DNAH6: variants seen among roughly 807,000 people sequenced by gnomAD.
DNAH6 encodes axonemal beta dynein heavy chain 6.
In DNAH6, 340 loss-of-function variants were observed where a neutral mutation model predicts 491.4. That is an observed-to-expected ratio of 0.69 (90% CI 0.63 to 0.76). The LOEUF (loss-of-function observed/expected upper bound fraction) is 0.76, where lower values mean the gene tolerates loss of function less well. Ranked by LOEUF, DNAH6 falls within the 30% of genes least tolerant of loss-of-function variation. The pLI, the probability that DNAH6 is intolerant of heterozygous loss-of-function variation, is 0.00. For missense variants in DNAH6, 4,443 were observed against 4,972.2 expected (o/e 0.89, Z 3.20); for synonymous variants, 1,603 against 1,686.1 (o/e 0.95, Z 1.21).
At chr2:84,685,998 C>T (rs1694221691) in intron 43 of DNAH6, among the ~76,000 whole-genome samples, 1 of 152,054 alleles carries the variant, frequency 6.6e-6, no homozygotes, top group Non-Finnish European at 1.5e-5. Context: ...ACCAGTCTGG[C>T]CAATGTAGTG....
In DNAH6 at chr2:84,727,715, A is replaced by G; in HGVS notation, c.10019A>G (p.Gln3340Arg). ...IETSVKTENL[Q>R]QRLDVLLEQT... is the part of the protein sequence containing the mutation. Reference sequence around the variant, plus strand: ...ACTTCTGTAAAGACAGAAAATCTACAACAGCGCCTGGACGTACTACTAGAA... The same window carrying G: ...ACTTCTGTAAAGACAGAAAATCTACGACAGCGCCTGGACGTACTACTAGAA... The change falls in exon 61 of 77, where the codon CAA (glutamine) becomes CGA (arginine). Residue 3340 changes from glutamine (Q) to arginine (R), a missense_variant. Physicochemically the swap from Gln to Arg is conservative, Grantham distance 43 (BLOSUM62 1). Around this residue, in one of 3 missense-constraint regions of DNAH6, gnomAD observed 1,463 missense variants for 1,656.6 expected, o/e 0.88. Transcript: ENST00000389394. 6.4e-7 allele frequency: 1 copy of G among 1,551,648 alleles called. No homozygotes were observed. The highest frequency in any genetic ancestry group is 8.7e-7 in the Non-Finnish European group (1 of 1,146,886).
chr2:84,679,416 C>G (rs1358985476), intron 41 of DNAH6, among the ~76,000 whole-genome samples: 1 of 152,162 alleles, frequency 6.6e-6, no homozygotes, highest in Admixed American at 6.5e-5. Flanking sequence ...CCAAAATATG[C>G]ATCACTATAC....
chr2:84,580,122 A>ATC (rs1682859663), intron 14 of DNAH6, among the ~76,000 whole-genome samples: 1 of 152,204 alleles, frequency 6.6e-6, no homozygotes, highest in Non-Finnish European at 1.5e-5. Context: ...TACCATTGTA[A>ATC]TCTAGATGTT....
At chr2:84,593,407 G>A (rs559195147) in intron 16 of DNAH6, among the ~76,000 whole-genome samples, 1 of 152,318 alleles carries the variant, frequency 6.6e-6, no homozygotes, top group African/African-American at 2.4e-5. Context: ...GTTGAACCAA[G>A]GCAATCTTAA....
intron 11 of DNAH6, among the ~76,000 whole-genome samples, chr2:84,573,256 A>AT (rs1007444533): frequency 6.6e-5 from 10 of 152,248 alleles, no homozygotes; most frequent in African/African-American, 1.7e-4. Flanking sequence ...TTAAAGATGA[A>AT]TTTTTTTTAT....
intron 38 of DNAH6, among the ~76,000 whole-genome samples, chr2:84,669,722 A>G (rs1271318774): frequency 1.3e-5 from 2 of 152,194 alleles, no homozygotes; most frequent in Non-Finnish European, 2.9e-5. Context: ...AGTTGATACT[A>G]TATGAATTAG....
At chr2:84,745,629 G>A (rs959361315) in intron 63 of DNAH6, among the ~76,000 whole-genome samples, 1 of 146,930 alleles carries the variant, frequency 6.8e-6, no homozygotes, top group South Asian at 2.1e-4. Flanking sequence ...TCGCGCCACT[G>A]CACTCCAGCC....
chr2:84,808,331 T>C, intron 71 of DNAH6, 84 bp from the exon 72 acceptor site: 2 of 1,381,416 alleles, frequency 1.4e-6, no homozygotes, highest in Non-Finnish European at 1.9e-6. Context: ...TTTTTAAAAA[T>C]GTTAAGATAA....
the DNAH6 span, among the ~76,000 whole-genome samples, chr2:84,461,018 A>G: frequency 6.6e-6 from 1 of 152,164 alleles, no homozygotes; most frequent in African/African-American, 2.4e-5. Context: ...GCCTCCACAA[A>G]CAAGTTTATT....
chr2:84,585,716 G>A (rs188042632), intron 15 of DNAH6, among the ~76,000 whole-genome samples: 19 of 152,088 alleles, frequency 1.2e-4, no homozygotes, highest in Admixed American at 5.9e-4. Context: ...TGGTAGCCCC[G>A]ACATCTCTGC....
chr2:84,736,971 T>A (rs1018333294), intron 62 of DNAH6, among the ~76,000 whole-genome samples: 1 of 152,138 alleles, frequency 6.6e-6, no homozygotes, highest in Non-Finnish European at 1.5e-5. Flanking sequence ...GGGTTTGTCA[T>A]TGATGGCTCT....
At chr2:84,511,264 C>T in the DNAH6 span, among the ~76,000 whole-genome samples, 6 of 152,300 alleles carry the variant, frequency 3.9e-5, no homozygotes, top group East Asian at 7.7e-4. Flanking sequence ...ACTCAAGCTT[C>T]GGCAATGGCG....
At chr2:84,723,688 G>A (rs1698383323) in intron 60 of DNAH6, among the ~76,000 whole-genome samples, 1 of 152,124 alleles carries the variant, frequency 6.6e-6, no homozygotes, top group South Asian at 2.1e-4. Context: ...GACTTAGAGG[G>A]ATCTCTTTCC....
chr2:84,598,163 CTTTCTTTCTTTCTTTCTCTCTTTCT>C (rs1684847852), intron 18 of DNAH6, among the ~76,000 whole-genome samples: 3 of 70,586 alleles, frequency 4.3e-5, no homozygotes, highest in Non-Finnish European at 1.0e-4. Flanking sequence ...TTCTTTCTTT[CTTTCTTTCTTTCTTTCTCTCTTTCT>C]TTTCTTTCTT....
the DNAH6 span, among the ~76,000 whole-genome samples, chr2:84,490,743 G>T: frequency 1.3e-5 from 2 of 151,988 alleles, no homozygotes; most frequent in Non-Finnish European, 2.9e-5. Flanking sequence ...TATATCTTTA[G>T]TAGAGACGGG....
At chr2:84,660,854 A>G (rs898860678) in intron 37 of DNAH6, among the ~76,000 whole-genome samples, 2 of 152,166 alleles carry the variant, frequency 1.3e-5, no homozygotes, top group Non-Finnish European at 2.9e-5. Context: ...AAATATATCT[A>G]TGTCATAAGA....
rs574280820 is a variant in DNAH6 at position 84,616,806 on chromosome 2, A to G, written c.3476-80A>G. On this transcript the variant is annotated intron_variant, in intron 22 of 76. Coordinates refer to ENST00000389394, the MANE Select transcript of DNAH6 (RefSeq NM_001370.2). ...TAGGGAGAAGATTCATAAATTGATTACATTTTAAAGTGATATTTTTTCAGA... is the reference window on the plus strand; with the variant it reads ...TAGGGAGAAGATTCATAAATTGATTGCATTTTAAAGTGATATTTTTTCAGA... The G allele has an allele frequency of 1.3e-4, 83 of 615,834 alleles. 1 individual carries two copies. In the African/African-American group the frequency reaches 1.6e-3, roughly 12 times the overall value. 38.1% of individuals were successfully genotyped at this position (615,834 alleles called of 1,614,324 possible). A position where few individuals can be genotyped will look rare whatever the true frequency, so the allele number is the denominator to read the frequency against.
At chr2:84,781,932 C>T (rs1676737003) in intron 65 of DNAH6, among the ~76,000 whole-genome samples, 1 of 151,980 alleles carries the variant, frequency 6.6e-6, no homozygotes, top group African/African-American at 2.4e-5. Context: ...TACTTATAGG[C>T]ATAATAAAAA....
rs1162541312 is a variant in DNAH6 at position 84,753,755 on chromosome 2, TAA to T, written c.10512+8529_10512+8530del. Among the ~76,000 whole-genome samples the T allele has an allele frequency of 7.3e-3, 564 of 77,116 alleles. 2 individuals carry two copies. The highest frequency in any genetic ancestry group is 0.013 in the African/African-American group (230 of 17,580). The allele number at this position is 77,116 out of a possible 152,430, so 50.6% of individuals were successfully genotyped here. On this transcript the variant is annotated intron_variant, in intron 63 of 76. Transcript: ENST00000389394. ...CTGGGCAACAGGAGTGAAACTCTGTTAAAAAAAAAAAAAAAAAAAAAAAAGTA... is the reference window on the plus strand; with the variant it reads ...CTGGGCAACAGGAGTGAAACTCTGTTAAAAAAAAAAAAAAAAAAAAAAGTA...
Sources: allele counts gnomAD v4.1 joint callset (sites outside exome capture counted in the v4.1 genomes callset), GRCh38; gene constraint gnomAD v4.1.1; regional missense constraint gnomAD v4.1.1; transcripts MANE v1.5; gene names NCBI Gene and HGNC (gene_info 2026-07-23, HGNC 2026-07-21).